Variants in HMBOX1 observed in about 807,000 individuals in gnomAD.
The protein encoded by HMBOX1 is homeobox-containing protein 1.
In HMBOX1, 14 loss-of-function variants were observed where a neutral mutation model predicts 54.5. That is an observed-to-expected ratio of 0.26 (90% CI 0.17 to 0.40). The LOEUF (loss-of-function observed/expected upper bound fraction) is 0.40. Among genes scored for constraint, HMBOX1 ranks in the 10% least tolerant of loss-of-function variants. HMBOX1 has a pLI of 1.00. For synonymous variants in HMBOX1, 160 were observed against 181.0 expected (o/e 0.88, Z 0.93); for missense variants, 332 against 514.4 (o/e 0.65, Z 3.43).
intron 4 of HMBOX1, among the ~76,000 whole-genome samples, chr8:29,007,322 A>G (rs1833609430): frequency 6.6e-6 from 1 of 152,098 alleles, no homozygotes; most frequent in African/African-American, 2.4e-5. Context: ...AAGTAGTATT[A>G]AAAAATAACC....
intron 1 of HMBOX1, among the ~76,000 whole-genome samples, chr8:28,917,963 A>T (rs189195178): frequency 6.4e-4 from 98 of 152,258 alleles, no homozygotes; most frequent in African/African-American, 2.2e-3. Flanking sequence ...CCTGTCATGT[A>T]ATTTAATCCT....
chr8:28,900,025 C>T (rs538065412), intron 1 of HMBOX1, among the ~76,000 whole-genome samples: 14 of 151,714 alleles, frequency 9.2e-5, no homozygotes, highest in East Asian at 5.8e-4. Flanking sequence ...CTGAGGTGGG[C>T]GGATCATGAG....
chr8:29,043,835 C>A (rs1193524662), intron 6 of HMBOX1, among the ~76,000 whole-genome samples: 2 of 151,994 alleles, frequency 1.3e-5, no homozygotes, highest in Non-Finnish European at 2.9e-5. Context: ...GAAAGTGAAG[C>A]AATTATGAGG....
At chr8:28,971,235 G>C (rs918039101) in intron 3 of HMBOX1, among the ~76,000 whole-genome samples, 1 of 151,790 alleles carries the variant, frequency 6.6e-6, no homozygotes, top group African/African-American at 2.4e-5. Context: ...TGGGGTTACA[G>C]GCATGCACCA....
intron 1 of HMBOX1, among the ~76,000 whole-genome samples, chr8:28,894,019 A>G (rs1021916886): frequency 1.3e-5 from 2 of 152,232 alleles, no homozygotes; most frequent in African/African-American, 2.4e-5. Flanking sequence ...TTTTAAATAC[A>G]TGAACATTTA....
intron 2 of HMBOX1, 64 bp from the exon 3 acceptor site, chr8:28,969,979 G>C: frequency 1.0e-6 from 1 of 987,194 alleles, no homozygotes; most frequent in Non-Finnish European, 1.5e-6. Context: ...TGAGCATTCT[G>C]TATAATATGT....
chr8:28,890,842 C>CT (rs1230314238), intron 1 of HMBOX1, 164 bp downstream of exon 1: 1 of 152,240 alleles, frequency 6.6e-6, no homozygotes, highest in African/African-American at 2.4e-5. Flanking sequence ...AAGCAGGGGG[C>CT]TTCCGAGTGG....
chr8:29,051,055 T>C lies in HMBOX1; in HGVS notation c.1163T>C (p.Ile388Thr). 1 of 1,613,426 alleles carries C rather than the reference T, an allele frequency of 6.2e-7. No individual in the cohort carries two copies. The highest frequency in any genetic ancestry group is 8.5e-7 in the Non-Finnish European group (1 of 1,179,890). The change falls in exon 10 of 10, where the codon ATC (isoleucine) becomes ACC (threonine). Residue 388 changes from isoleucine to threonine, a missense_variant. By Grantham distance (89) the Ile-to-Thr change is moderately conservative. This residue lies in a region of HMBOX1 where 69 missense variants were observed against 104.6 expected (regional missense o/e 0.66). Coordinates refer to ENST00000287701, the MANE Select transcript of HMBOX1 (RefSeq NM_001135726.3). ...AGCCATAGTGACCACCAAGACCCCATCTCATTAGCTGTGGAAATGGCAGCA... is the reference window on the plus strand; with the variant it reads ...AGCCATAGTGACCACCAAGACCCCACCTCATTAGCTGTGGAAATGGCAGCA... ...STSHSDHQDP[I>T]SLAVEMAAVN...
In HMBOX1 at chr8:29,053,026, G is replaced by A. The variant is rs958499077; in HGVS notation, c.*1871G>A. 1.3e-5 allele frequency: 2 copies of A among 152,526 alleles called. No individual in the cohort carries two copies. The highest frequency in any genetic ancestry group is 2.9e-5 in the Non-Finnish European group (2 of 68,044). The allele number at this position is 152,526 out of a possible 1,614,324, so 9.4% of individuals were successfully genotyped here. A position where few individuals can be genotyped will look rare whatever the true frequency, so the allele number is the denominator to read the frequency against. On this transcript the variant is annotated 3_prime_UTR_variant, in exon 10 of 10. Coordinates refer to ENST00000287701, the MANE Select transcript of HMBOX1 (RefSeq NM_001135726.3). The stretch of plus-strand genomic sequence containing the variant: ...TCAGTTTTCCCTTTCTCATTCAGGA[G>A]ATACTGAATATCCGCCAGTTTGTAG...
chr8:28,980,411 T>G (rs1829149032), intron 4 of HMBOX1, among the ~76,000 whole-genome samples: 1 of 152,234 alleles, frequency 6.6e-6, no homozygotes, highest in African/African-American at 2.4e-5. Context: ...TAGAAAAGGT[T>G]CCTATAGTTT....
intron 6 of HMBOX1, among the ~76,000 whole-genome samples, chr8:29,038,822 A>G (rs1195909213): frequency 2.6e-5 from 4 of 152,228 alleles, no homozygotes; most frequent in South Asian, 2.1e-4. Context: ...CCTCTGCTTT[A>G]AATTACAGCT....
chr8:28,911,409 G>T (rs940569702), intron 1 of HMBOX1, among the ~76,000 whole-genome samples: 2 of 152,126 alleles, frequency 1.3e-5, no homozygotes, highest in Admixed American at 6.6e-5. Flanking sequence ...AGGCTGGAGC[G>T]CAGTGGCGCG....
intron 6 of HMBOX1, among the ~76,000 whole-genome samples, chr8:29,026,445 G>A (rs560946621): frequency 1.3e-5 from 2 of 152,038 alleles, no homozygotes; most frequent in South Asian, 4.1e-4. Flanking sequence ...AGTTGTGGAG[G>A]TGCTTGTACA....
upstream of HMBOX1, chr8:28,890,142 A>G (rs544571293): frequency 2.1e-5 from 11 of 526,330 alleles, no homozygotes; most frequent in South Asian, 2.0e-4. Flanking sequence ...CCGCCAATGC[A>G]TCCTCCCTCT....
At chr8:28,985,057 T>C (rs1829966118) in intron 4 of HMBOX1, among the ~76,000 whole-genome samples, 1 of 152,252 alleles carries the variant, frequency 6.6e-6, no homozygotes, top group Non-Finnish European at 1.5e-5. Context: ...ACCCAGAGTC[T>C]TATTTTCCTT....
intron 1 of HMBOX1, among the ~76,000 whole-genome samples, chr8:28,960,753 C>CTTTTTTTTTTTTTTTTTTTT (rs1023356056): frequency 1.5e-5 from 1 of 65,658 alleles, no homozygotes; most frequent in African/African-American, 6.2e-5. Flanking sequence ...TTCTCTTTTT[C>CTTTTTTTTTTTTTTTTTTTT]TTTTTCTTTT....
rs763363239 is a variant in HMBOX1, at chr8:28,970,425, C to T, written c.406C>T (p.Arg136Cys). Residue 136 changes from arginine to cysteine, a missense_variant, in exon 3 of 10, where the codon CGC becomes TGC. Transcript: ENST00000287701. This position sits in a 1 kb window ranked among gnomAD's most constrained non-coding sequence, Gnocchi z 4.3. ...ATCCAATGGAAAGATGTCACCAACT[C>T]GCTACCATGCAAACAGCATGGGTCA... The part of the protein sequence containing the change: ...STSNGKMSPT[R>C]YHANSMGQRS... The T allele has an allele frequency of 8.7e-6, 14 of 1,614,000 alleles. No homozygotes were observed. The highest frequency in any genetic ancestry group is 1.2e-5 in the Non-Finnish European group (14 of 1,180,016).
chr8:28,976,550 C>A (rs1291448714), intron 3 of HMBOX1, among the ~76,000 whole-genome samples: 2 of 151,730 alleles, frequency 1.3e-5, no homozygotes, highest in Non-Finnish European at 2.9e-5. Flanking sequence ...TGCACCTGGC[C>A]AGTGCTTTTA....
intron 1 of HMBOX1, among the ~76,000 whole-genome samples, chr8:28,898,245 A>C (rs1812547473): frequency 6.6e-6 from 1 of 152,206 alleles, no homozygotes; most frequent in African/African-American, 2.4e-5. Flanking sequence ...TCTATTAAAA[A>C]AAGACAAAGT....
Sources: gnomAD v4.1 joint callset for allele counts (sites outside exome capture counted in the v4.1 genomes callset) on GRCh38, gnomAD v4.1.1 for gene constraint, gnomAD v4.1.1 regional missense constraint, Gnocchi (gnomAD v3.1) non-coding constraint, MANE v1.5 for transcripts, NCBI Gene and HGNC (gene_info 2026-07-23, HGNC 2026-07-21) for gene names.